The following RAB6A variants were observed in gnomAD, a reference collection of about 807,000 sequenced individuals.
RAB6A encodes the protein RAB6A, member RAS oncogene family.
In RAB6A, 8 loss-of-function variants were observed where a neutral mutation model predicts 32.3. The observed-to-expected ratio is 0.25, with a 90% CI of 0.15 to 0.45. The LOEUF (loss-of-function observed/expected upper bound fraction) is 0.45, where lower values mean the gene tolerates loss of function less well. Ranked by LOEUF, RAB6A falls within the 20% of genes least tolerant of loss-of-function variation. The pLI, the probability that RAB6A is intolerant of heterozygous loss-of-function variation, is 1.00. For synonymous variants in RAB6A, 73 were observed against 82.1 expected, an observed-to-expected ratio of 0.89 and a Z score of 0.60; for missense variants, 104 against 249.4, an observed-to-expected ratio of 0.42 and a Z score of 3.93.
At position 73,760,665 on chromosome 11, in the gene RAB6A, A is replaced by G; in HGVS notation, c.-30T>C. The G allele has an allele frequency of 6.3e-7, 1 of 1,597,236 alleles. No individual in the cohort carries two copies. Among genetic ancestry groups the G allele is most frequent in the Non-Finnish European group, 8.5e-7 (1 of 1,172,438 alleles). The stretch of plus-strand genomic sequence containing the variant: ...GAACTAGAGGAGCGGCCGCCGCCTC[A>G]GCCTAGAGACCTCCCGGACCGATGC... On this transcript the variant is annotated 5_prime_UTR_variant, in exon 1 of 8. Transcript: ENST00000336083.
At chr11:73,741,404 C>T (rs1213412828) in intron 1 of RAB6A, among the ~76,000 whole-genome samples, 1 of 152,214 alleles carries the variant, frequency 6.6e-6, no homozygotes, top group East Asian at 1.9e-4. Flanking sequence ...TCCCAAAGTG[C>T]TAAGATTATA....
intron 1 of RAB6A, among the ~76,000 whole-genome samples, chr11:73,731,918 A>T (rs557139546): frequency 0.039 from 5,809 of 150,320 alleles, 153 homozygotes; most frequent in Middle Eastern, 0.071. Context: ...ATTTTTTGTT[A>T]TTTTTAGTAG....
chr11:73,693,429 A>T lies in RAB6A; in HGVS notation c.496-13709T>A, dbSNP rs115300933. Among the ~76,000 whole-genome samples the T allele has an allele frequency of 5.3e-3, 811 of 152,304 alleles. 7 individuals are homozygous for T. Among genetic ancestry groups the T allele is most frequent in the African/African-American group, 0.018 (739 of 41,580 alleles). On this transcript the variant is annotated intron_variant, in intron 6 of 7. Coordinates refer to ENST00000336083, the MANE Select transcript of RAB6A (RefSeq NM_198896.2). The stretch of plus-strand genomic sequence containing the variant: ...CATGAATCAGAGAAATATGTGTTTA[A>T]AGAAAGCAACAGGGCCAGATGCAGT...
intron 6 of RAB6A, among the ~76,000 whole-genome samples, chr11:73,687,805 C>T (rs965835841): frequency 2.6e-5 from 4 of 151,878 alleles, no homozygotes; most frequent in African/African-American, 7.3e-5. Flanking sequence ...TGCAGTGAGC[C>T]GAGATTTCAC....
At chr11:73,695,966 C>A (rs1256079776) in intron 6 of RAB6A, among the ~76,000 whole-genome samples, 1 of 152,070 alleles carries the variant, frequency 6.6e-6, no homozygotes, top group African/African-American at 2.4e-5. Context: ...TAAAGAGATA[C>A]ACTGGAGAAG....
At chr11:73,721,205 C>T (rs1194251133) in intron 2 of RAB6A, among the ~76,000 whole-genome samples, 1 of 152,192 alleles carries the variant, frequency 6.6e-6, no homozygotes, top group Admixed American at 6.5e-5. Flanking sequence ...AAGACAATGG[C>T]AACTTTGGTT....
chr11:73,741,459 G>A (rs1484168745), intron 1 of RAB6A, among the ~76,000 whole-genome samples: 1 of 151,610 alleles, frequency 6.6e-6, no homozygotes, highest in African/African-American at 2.4e-5. Flanking sequence ...CTTACCATAT[G>A]ATCCAGCGAC....
intron 6 of RAB6A, among the ~76,000 whole-genome samples, chr11:73,702,530 TA>T (rs201339335): frequency 6.6e-6 from 1 of 151,986 alleles, no homozygotes; most frequent in Non-Finnish European, 1.5e-5. Context: ...CTGATAACTG[TA>T]AAAAAAATTC....
At chr11:73,724,763 G>A (rs1176927954) in intron 2 of RAB6A, among the ~76,000 whole-genome samples, 1 of 152,190 alleles carries the variant, frequency 6.6e-6, no homozygotes, top group Admixed American at 6.5e-5. Context: ...TGGGATTACA[G>A]GCGTGAGCCA....
rs867161542 is a variant in RAB6A at position 73,757,104 on chromosome 11, T to C, written c.70+3462A>G. Among the ~76,000 whole-genome samples the C allele has an allele frequency of 7.2e-3, 256 of 35,648 alleles. 4 individuals are homozygous for C. Among genetic ancestry groups the C allele is most frequent in the South Asian group, 0.032 (42 of 1,310 alleles). The allele number at this position is 35,648 out of a possible 152,430, so 23.4% of individuals were successfully genotyped here. On this transcript the variant is annotated intron_variant, in intron 1 of 7. Coordinates refer to ENST00000336083, the MANE Select transcript of RAB6A (RefSeq NM_198896.2). ...AGTATCTTAAATATACATACATATATATATATATATATATATATATATATA... is the reference window on the plus strand; with the variant it reads ...AGTATCTTAAATATACATACATATACATATATATATATATATATATATATA...
chr11:73,695,051 A>T (rs1945635713), intron 6 of RAB6A, among the ~76,000 whole-genome samples: 1 of 152,020 alleles, frequency 6.6e-6, no homozygotes, highest in African/African-American at 2.4e-5. Flanking sequence ...AAATATATCC[A>T]AATTTTTTTA....
chr11:73,690,464 T>C (rs1046877866), intron 6 of RAB6A, among the ~76,000 whole-genome samples: 2 of 152,124 alleles, frequency 1.3e-5, no homozygotes, highest in African/African-American at 2.4e-5. Context: ...TAACTCATGA[T>C]AGCCTTGAAC....
intron 6 of RAB6A, among the ~76,000 whole-genome samples, chr11:73,692,465 T>C (rs1440266012): frequency 8.0e-6 from 1 of 125,130 alleles, no homozygotes; most frequent in Non-Finnish European, 1.6e-5. Flanking sequence ...ATTGCGCCAC[T>C]GCACTCCGGC....
At chr11:73,688,248 C>T (rs1945491281) in intron 6 of RAB6A, among the ~76,000 whole-genome samples, 1 of 152,164 alleles carries the variant, frequency 6.6e-6, no homozygotes, top group African/African-American at 2.4e-5. Flanking sequence ...ATTACTGTGA[C>T]TTCTGAAAAA....
intron 1 of RAB6A, among the ~76,000 whole-genome samples, chr11:73,732,722 T>C (rs1250297751): frequency 2.6e-5 from 4 of 152,266 alleles, no homozygotes; most frequent in South Asian, 2.1e-4. Context: ...AGTGCACCAC[T>C]GTACTACAGT....
intron 6 of RAB6A, among the ~76,000 whole-genome samples, chr11:73,692,788 C>CCAA (rs1391425761): frequency 1.0e-5 from 1 of 98,208 alleles, no homozygotes; most frequent in East Asian, 3.1e-4. Flanking sequence ...ACTAAAAATA[C>CCAA]AAAAAAAAAA....
intron 3 of RAB6A, among the ~76,000 whole-genome samples, chr11:73,719,173 C>T (rs1565363091): frequency 6.6e-6 from 1 of 152,132 alleles, no homozygotes. Flanking sequence ...CTACCTAAAA[C>T]CTGTTTGAAT....
chr11:73,690,453 A>G (rs1425532469), intron 6 of RAB6A, among the ~76,000 whole-genome samples: 1 of 152,080 alleles, frequency 6.6e-6, no homozygotes, highest in African/African-American at 2.4e-5. Context: ...AAATGTGATC[A>G]TAACTCATGA....
At chr11:73,723,839 G>A (rs1023396090) in intron 2 of RAB6A, among the ~76,000 whole-genome samples, 4 of 152,084 alleles carry the variant, frequency 2.6e-5, no homozygotes, top group Non-Finnish European at 5.9e-5. Context: ...ATTATGGTAC[G>A]ATGTCAATAT....
Sources: gnomAD v4.1 joint callset for allele counts (sites outside exome capture counted in the v4.1 genomes callset) on GRCh38, gnomAD v4.1.1 for gene constraint, MANE v1.5 for transcripts, NCBI Gene and HGNC (gene_info 2026-07-23, HGNC 2026-07-21) for gene names.